Variants in EXOC6 observed in about 807,000 individuals in gnomAD.
EXOC6 encodes exocyst complex component 6, also known as SEC15-like 1.
In EXOC6, 60 loss-of-function variants were observed where a neutral mutation model predicts 112.5. The observed-to-expected ratio is 0.53, with a 90% CI of 0.43 to 0.66. The LOEUF is 0.66. Among genes scored for constraint, EXOC6 ranks in the 30% least tolerant of loss-of-function variants. The pLI is 0.00. For missense variants in EXOC6, 855 were observed against 957.1 expected, an observed-to-expected ratio of 0.89 and a Z score of 1.41; for synonymous variants, 295 against 308.0, an observed-to-expected ratio of 0.96 and a Z score of 0.44.
chr10:92,992,295 A>T (rs982405324), intron 18 of EXOC6, among the ~76,000 whole-genome samples: 3 of 151,262 alleles, frequency 2.0e-5, no homozygotes, highest in African/African-American at 7.3e-5. Flanking sequence ...CTCAAAAAAA[A>T]AAAAAAAAAA....
chr10:92,943,528 C>T (rs1194967883), intron 13 of EXOC6, among the ~76,000 whole-genome samples: 3 of 152,126 alleles, frequency 2.0e-5, no homozygotes, highest in African/African-American at 4.8e-5. Flanking sequence ...GCAGCTCTCT[C>T]TCACTATATT....
At chr10:92,916,038 G>A (rs2133893157) in intron 7 of EXOC6, 125 bp downstream of exon 7, 2 of 681,346 alleles carry the variant, frequency 2.9e-6, no homozygotes, top group South Asian at 5.0e-5. Context: ...AGTTGTCAGA[G>A]TCAAAATGGA....
chr10:93,007,710 AT>A (rs1465029769), intron 19 of EXOC6, among the ~76,000 whole-genome samples: 1 of 152,220 alleles, frequency 6.6e-6, no homozygotes, highest in Non-Finnish European at 1.5e-5. Context: ...TAGTTTTGTT[AT>A]AATCACAGCT....
intron 5 of EXOC6, chr10:92,901,551 C>T (rs1394807881): frequency 1.3e-5 from 2 of 148,952 alleles, no homozygotes; most frequent in Admixed American, 6.7e-5. Flanking sequence ...AAGCCAATTC[C>T]TGTGTCTTTG....
Position 92,837,740 on chromosome 10 carries a change from G to A in EXOC6, c.86+2916G>A, listed in dbSNP as rs1589670705. ...GAGAGGGTGGAAAAGGAGTTTGGCT[G>A]GAGGCAGCTGAAGGCCCTGCCTTGA... is the stretch of plus-strand genomic sequence containing the variant. On this transcript the variant is annotated intron_variant, in intron 1 of 21. Coordinates refer to the EXOC6 transcript ENST00000371552. Among the ~76,000 whole-genome samples the A allele has an allele frequency of 5.3e-5, 8 of 152,156 alleles. No individual in the cohort carries two copies. The South Asian group carries it at 1.7e-3, about 31-fold the overall frequency.
intron 20 of EXOC6, among the ~76,000 whole-genome samples, chr10:93,028,189 T>G (rs1347348528): frequency 6.6e-6 from 1 of 152,064 alleles, no homozygotes; most frequent in African/African-American, 2.4e-5. Flanking sequence ...TCCCAGCTAC[T>G]CTGGAGGCTA....
chr10:92,895,147 CT>C (rs895384126), intron 4 of EXOC6, 127 bp downstream of exon 4: 1 of 657,914 alleles, frequency 1.5e-6, no homozygotes, highest in Non-Finnish European at 2.7e-6. Flanking sequence ...AAAGACCATG[CT>C]TATCTTTCAG....
At position 92,967,121 on chromosome 10, in the gene EXOC6, C is replaced by G. The variant is rs533628401; in HGVS notation, c.1774-6932C>G. 3.3e-3 allele frequency among the ~76,000 whole-genome samples: 503 copies of G among 151,714 alleles called. 1 individual carries two copies. Among genetic ancestry groups the G allele is most frequent in the African/African-American group, 0.012 (486 of 41,262 alleles). ...AGTGTCTGGTCATATCCTTCGCCCACTTTTTGATGGGGTTGTTTGTTTTTT... is the reference window on the plus strand; with the variant it reads ...AGTGTCTGGTCATATCCTTCGCCCAGTTTTTGATGGGGTTGTTTGTTTTTT... On this transcript the variant is annotated intron_variant, in intron 17 of 21. Transcript: ENST00000260762.
chr10:92,845,746 C>T (rs970871088), upstream of EXOC6, among the ~76,000 whole-genome samples: 5 of 151,952 alleles, frequency 3.3e-5, no homozygotes, highest in East Asian at 3.9e-4. Flanking sequence ...TGAGACCAGC[C>T]TGACCAACAT....
At chr10:92,953,860 A>C (rs377412319) in intron 15 of EXOC6, among the ~76,000 whole-genome samples, 1 of 152,254 alleles carries the variant, frequency 6.6e-6, no homozygotes, top group South Asian at 2.1e-4. Context: ...TAAAAAATCA[A>C]TGAAAATGGA....
At chr10:92,882,659 T>TTATCTACTA (rs1849023016) in intron 1 of EXOC6, among the ~76,000 whole-genome samples, 1 of 152,192 alleles carries the variant, frequency 6.6e-6, no homozygotes, top group Non-Finnish European at 1.5e-5. Context: ...CAAAGATAAT[T>TTATCTACTA]TATCTACTAT....
chr10:92,945,799 A>C (rs925953773), intron 13 of EXOC6, among the ~76,000 whole-genome samples: 1 of 152,192 alleles, frequency 6.6e-6, no homozygotes, highest in Non-Finnish European at 1.5e-5. Flanking sequence ...TCAGCCTCCC[A>C]AAGATTACAG....
intron 20 of EXOC6, among the ~76,000 whole-genome samples, chr10:93,026,805 C>T (rs1230786254): frequency 1.3e-5 from 2 of 152,188 alleles, no homozygotes; most frequent in African/African-American, 4.8e-5. Context: ...GTTCCCGTCT[C>T]TTCCTCTCCT....
At chr10:93,018,237 AAT>A (rs1844631401) in intron 20 of EXOC6, among the ~76,000 whole-genome samples, 1 of 152,106 alleles carries the variant, frequency 6.6e-6, no homozygotes, top group African/African-American at 2.4e-5. Flanking sequence ...TAATCAGGGA[AAT>A]ATGGATATTA....
At chr10:92,866,050 T>C (rs1023357765) in intron 1 of EXOC6, among the ~76,000 whole-genome samples, 2 of 152,090 alleles carry the variant, frequency 1.3e-5, no homozygotes, top group Non-Finnish European at 2.9e-5. Context: ...TGTGTATATA[T>C]AAGTGAATCT....
intron 20 of EXOC6, among the ~76,000 whole-genome samples, chr10:93,038,569 G>GTA (rs1305369326): frequency 1.3e-5 from 2 of 152,098 alleles, no homozygotes; most frequent in Non-Finnish European, 2.9e-5. Flanking sequence ...TGAATGAGAC[G>GTA]TATATATACA....
At chr10:92,941,075 T>G (rs1589872978) in intron 13 of EXOC6, among the ~76,000 whole-genome samples, 1 of 152,204 alleles carries the variant, frequency 6.6e-6, no homozygotes, top group East Asian at 1.9e-4. Context: ...CACTTAACAA[T>G]AACTCTCCAT....
chr10:92,986,754 A>T (rs1219150398), intron 18 of EXOC6, among the ~76,000 whole-genome samples: 1 of 151,590 alleles, frequency 6.6e-6, no homozygotes. Flanking sequence ...TAGGTAATTT[A>T]AAAAATTAAA....
intron 1 of EXOC6, among the ~76,000 whole-genome samples, chr10:92,827,474 C>CA (rs60863083): frequency 0.26 from 8,654 of 32,942 alleles, 2,484 homozygotes; most frequent in Admixed American, 0.33. Flanking sequence ...GCCCTGTTGC[C>CA]AAAAAAAAAA....
Sources: allele counts gnomAD v4.1 joint callset (sites outside exome capture counted in the v4.1 genomes callset), GRCh38; gene constraint gnomAD v4.1.1; transcripts MANE v1.5; gene names NCBI Gene and HGNC (gene_info 2026-07-23, HGNC 2026-07-21).